Variants in ABI3BP observed in about 807,000 individuals in gnomAD.
The protein encoded by ABI3BP is target of Nesh-SH3.
A neutral mutation model predicts 268.6 loss-of-function variants in ABI3BP; 216 were observed. That is an observed-to-expected ratio of 0.80 (90% CI 0.72 to 0.90). The LOEUF is 0.90. Ranked by LOEUF, ABI3BP falls within the 40% of genes least tolerant of loss-of-function variation. The pLI is 0.00. For missense variants in ABI3BP, 2,090 were observed against 2,182.4 expected (o/e 0.96, Z 0.84); for synonymous variants, 730 against 730.0 (o/e 1.00, Z 0.00).
At position 100,842,154 on chromosome 3, in the gene ABI3BP, C is replaced by G. The variant is rs2098714172; in HGVS notation, c.1724-115G>C. ...CTCCTGGGTGAATGATTAGGTTCTA[C>G]TGGCTTCTGCCAGTGAAGTTCAACC... On this transcript the variant is annotated intron_variant, in intron 20 of 67. Transcript: ENST00000471714. The G allele has an allele frequency of 3.7e-6, 3 of 812,350 alleles. No homozygotes were observed. The Admixed American group carries it at 7.5e-5, about 20-fold the overall frequency. 50.3% of individuals were successfully genotyped at this position (812,350 alleles called of 1,614,324 possible).
At chr3:100,803,743 GT>G (rs972619615) in intron 51 of ABI3BP, among the ~76,000 whole-genome samples, 7 of 152,012 alleles carry the variant, frequency 4.6e-5, no homozygotes, top group African/African-American at 1.4e-4. Flanking sequence ...GTGAGATGAG[GT>G]TTTTTTCTTA....
At chr3:100,778,135 C>A in intron 59 of ABI3BP, 149 bp downstream of exon 59, 1 of 737,358 alleles carries the variant, frequency 1.4e-6, no homozygotes, top group Non-Finnish European at 2.2e-6. Context: ...GTCCTGAAAG[C>A]CATCATTTAC....
At chr3:100,897,791 G>C (rs1280382686) in intron 4 of ABI3BP, among the ~76,000 whole-genome samples, 1 of 152,040 alleles carries the variant, frequency 6.6e-6, no homozygotes, top group Non-Finnish European at 1.5e-5. Flanking sequence ...CTCAATAAAT[G>C]TTTTTTATTC....
At position 100,876,637 on chromosome 3, in the gene ABI3BP, G is replaced by A. The variant is rs116074850; in HGVS notation, c.697-77C>T. 829 of 1,312,986 alleles carry A rather than the reference G, an allele frequency of 6.3e-4. 4 individuals are homozygous for A. The African/African-American group carries it at 0.011, about 17-fold the overall frequency. The allele number at this position is 1,312,986 out of a possible 1,614,324, so 81.3% of individuals were successfully genotyped here. On this transcript the variant is annotated intron_variant, in intron 6 of 67. Coordinates refer to ENST00000471714, the MANE Select transcript of ABI3BP (RefSeq NM_001375547.2). ...GTTCTTTAAAACGTTCGGAGAACTG[G>A]AAGTAGCCCTTTCTTGTCTTCAATG...
chr3:100,897,145 T>C (rs1240358038), intron 4 of ABI3BP, among the ~76,000 whole-genome samples: 2 of 152,296 alleles, frequency 1.3e-5, no homozygotes, highest in East Asian at 1.9e-4. Flanking sequence ...ATCAAAACTG[T>C]AATGAAAAAC....
intron 14 of ABI3BP, among the ~76,000 whole-genome samples, chr3:100,860,121 A>G (rs1255653116): frequency 6.6e-6 from 1 of 152,218 alleles, no homozygotes; most frequent in Non-Finnish European, 1.5e-5. Context: ...TCGCCTGGGC[A>G]TCTTGTTGGA....
At chr3:100,888,875 T>C (rs2043182591) in intron 4 of ABI3BP, among the ~76,000 whole-genome samples, 1 of 149,450 alleles carries the variant, frequency 6.7e-6, no homozygotes, top group African/African-American at 2.5e-5. Flanking sequence ...AGTGGTGAAG[T>C]AAATTTTCAT....
chr3:100,936,114 T>C (rs1271000102), intron 1 of ABI3BP, among the ~76,000 whole-genome samples: 2 of 152,188 alleles, frequency 1.3e-5, no homozygotes, highest in African/African-American at 4.8e-5. Context: ...GCTGTGGGTT[T>C]GTCATAAATA....
chr3:100,908,735 C>T (rs2054759044), intron 2 of ABI3BP, among the ~76,000 whole-genome samples: 1 of 152,130 alleles, frequency 6.6e-6, no homozygotes, highest in Admixed American at 6.6e-5. Context: ...GAACTACAAA[C>T]CACTGCTCAA....
intron 53 of ABI3BP, among the ~76,000 whole-genome samples, chr3:100,795,389 A>T (rs1054970377): frequency 6.6e-6 from 1 of 152,088 alleles, no homozygotes; most frequent in Non-Finnish European, 1.5e-5. Flanking sequence ...CTGCTTGAGT[A>T]GACTCAAGTA....
intron 2 of ABI3BP, among the ~76,000 whole-genome samples, chr3:100,905,754 G>A (rs181570495): frequency 1.9e-3 from 289 of 152,146 alleles, no homozygotes; most frequent in Admixed American, 4.6e-3. Flanking sequence ...AGGCCCTTAC[G>A]TTTGCATTTA....
chr3:100,792,902 C>A, intron 54 of ABI3BP, 134 bp from the exon 55 acceptor site: 1 of 692,594 alleles, frequency 1.4e-6, no homozygotes, highest in South Asian at 1.9e-5. Flanking sequence ...TCAGTAATCA[C>A]AATAATTCAA....
Position 100,828,394 on chromosome 3 carries a change from G to A in ABI3BP, c.2601C>T (p.Phe867=), listed in dbSNP as rs143322195. ...CTGAAGATCAAAAAGTGGCATTACCGAATGTTGTCCCTGGAGCCTCTTTTA... is the reference window on the plus strand; with the variant it reads ...CTGAAGATCAAAAAGTGGCATTACCAAATGTTGTCCCTGGAGCCTCTTTTA... ...SPIKEAPGTT[F]VPVTDLEPVT... is the part of the protein sequence containing the mutation. Residue 867 remains phenylalanine (F), a splice_region_variant and synonymous_variant, in exon 34 of 68, where the codon TTC becomes TTT. Transcript: ENST00000471714. 12 of 1,534,410 alleles carry A rather than the reference G, an allele frequency of 7.8e-6. No individual in the cohort carries two copies. The highest frequency in any genetic ancestry group is 1.2e-5 in the South Asian group (1 of 83,902).
At chr3:100,955,254 C>T (rs534123892) in intron 1 of ABI3BP, among the ~76,000 whole-genome samples, 1 of 152,216 alleles carries the variant, frequency 6.6e-6, no homozygotes, top group Non-Finnish European at 1.5e-5. Flanking sequence ...GATCCAAGTA[C>T]AATACTCCAT....
chr3:100,940,807 T>TAG, intron 1 of ABI3BP, among the ~76,000 whole-genome samples: 1 of 62,580 alleles, frequency 1.6e-5, no homozygotes, highest in Non-Finnish European at 3.2e-5. Context: ...TATATATATA[T>TAG]ATATATATAT....
chr3:100,887,735 T>C (rs533002838), intron 4 of ABI3BP, among the ~76,000 whole-genome samples: 11 of 152,182 alleles, frequency 7.2e-5, no homozygotes, highest in African/African-American at 2.6e-4. Flanking sequence ...TGCTTTTATT[T>C]AAAGCTTTAA....
chr3:100,795,255 T>A (rs1017627312), intron 53 of ABI3BP, among the ~76,000 whole-genome samples: 1 of 151,958 alleles, frequency 6.6e-6, no homozygotes, highest in African/African-American at 2.4e-5. Context: ...TGAGATGGGG[T>A]GTGGGTTAGA....
intron 63 of ABI3BP, among the ~76,000 whole-genome samples, chr3:100,756,702 A>C (rs907186046): frequency 2.0e-5 from 3 of 150,626 alleles, no homozygotes; most frequent in Admixed American, 6.6e-5. Flanking sequence ...AATTGTCTCC[A>C]TGTCTTTTTA....
At chr3:100,866,790 G>T (rs2099054633) in intron 10 of ABI3BP, 89 bp downstream of exon 10, 2 of 1,052,880 alleles carry the variant, frequency 1.9e-6, no homozygotes, top group Non-Finnish European at 1.4e-6. Context: ...TTTCCTACTG[G>T]CTCTTTACTG....
Sources: gnomAD v4.1 joint callset for allele counts (sites outside exome capture counted in the v4.1 genomes callset) on GRCh38, gnomAD v4.1.1 for gene constraint, MANE v1.5 for transcripts, NCBI Gene and HGNC (gene_info 2026-07-23, HGNC 2026-07-21) for gene names.